The following DES variants were observed in gnomAD, a reference collection of about 807,000 sequenced individuals.
The protein encoded by DES is cardiomyopathy, dilated 1F (autosomal dominant).
A neutral mutation model predicts 55.1 loss-of-function variants in DES; 34 were observed. That is an observed-to-expected ratio of 0.62 (90% CI 0.47 to 0.82). The LOEUF is 0.82. Ranked by LOEUF, DES falls within the 40% of genes least tolerant of loss-of-function variation. The pLI is 0.00. For synonymous variants in DES, 259 were observed against 270.8 expected (o/e 0.96, Z 0.43); for missense variants, 596 against 645.9 (o/e 0.92, Z 0.84).
At chr2:219,423,098 C>T (rs777598241) in intron 6 of DES, among the ~76,000 whole-genome samples, 24 of 152,164 alleles carry the variant, frequency 1.6e-4, no homozygotes, top group Non-Finnish European at 3.5e-4. Flanking sequence ...ATAGTAAGCT[C>T]TCAGAACTGG....
chr2:219,419,041 G>GC lies in DES; in HGVS notation c.578+1_578+2insC. 1 of 1,539,000 alleles carries GC rather than the reference G, an allele frequency of 6.5e-7. No individual in the cohort carries two copies. Among genetic ancestry groups the GC allele is most frequent in the Non-Finnish European group, 8.7e-7 (1 of 1,146,806 alleles). On this transcript the variant is annotated splice_donor_variant, in intron 1 of 8. Transcript: ENST00000373960. LOFTEE classifies it high-confidence loss of function. The surrounding 1 kb of genome is among the most constrained non-coding windows in gnomAD (Gnocchi z 4.3). ...ACGACCTGCAGCGGCTCAAGGCCAAGTGAGGGCCCGGCACCCCAGACTCCT... is the reference window on the plus strand; with the variant it reads ...ACGACCTGCAGCGGCTCAAGGCCAAGCTGAGGGCCCGGCACCCCAGACTCCT...
chr2:219,424,329 G>A (rs1330465617), intron 7 of DES, among the ~76,000 whole-genome samples: 2 of 152,174 alleles, frequency 1.3e-5, no homozygotes, highest in African/African-American at 2.4e-5. Context: ...TGAAAAGAAC[G>A]AGCTCTTAGG....
Position 219,420,355 on chromosome 2 carries a change from T to TGG in DES, c.735+10_735+11dup. On this transcript the variant is annotated intron_variant, in intron 3 of 8. Coordinates refer to ENST00000373960, the MANE Select transcript of DES (RefSeq NM_001927.4). This position sits in a 1 kb window ranked among gnomAD's most constrained non-coding sequence, Gnocchi z 6.0. Reference sequence around the variant, plus strand: ...AGAAAGTGCATGAAGAGGTATACCTTGGCCCCTCTTCCTGGGGTCACTGGG... The same window carrying TGG: ...AGAAAGTGCATGAAGAGGTATACCTTGGGGCCCCTCTTCCTGGGGTCACTGGG... The TGG allele has an allele frequency of 6.2e-7, 1 of 1,613,540 alleles. No homozygotes were observed. Among genetic ancestry groups the TGG allele is most frequent in the South Asian group, 1.1e-5 (1 of 91,062 alleles).
At chr2:219,422,404 A>G (rs1432011277) in intron 6 of DES, among the ~76,000 whole-genome samples, 1 of 151,698 alleles carries the variant, frequency 6.6e-6, no homozygotes, top group Non-Finnish European at 1.5e-5. Flanking sequence ...CACAGAAAAC[A>G]ACATACAACT....
At chr2:219,425,021 C>T (rs1954510606) in intron 7 of DES, 2 of 152,816 alleles carry the variant, frequency 1.3e-5, no homozygotes, top group African/African-American at 4.8e-5. Flanking sequence ...GCCTCAGCCT[C>T]CTGAGTAGCT....
Position 219,420,139 on chromosome 2 carries a change from T to C in DES, c.623T>C (p.Leu208Ser), listed in dbSNP as rs373062962. ...TTGAAGGAAGAAGCAGAGAACAATT[T>C]GGCTGCCTTCCGAGCGGTGAGTGCC... is the stretch of plus-strand genomic sequence containing the variant. The part of the protein sequence containing the change: ...IQLKEEAENN[L>S]AAFRADVDAA... Residue 208 changes from leucine to serine, a missense_variant, in exon 2 of 9, where the codon TTG becomes TCG. Physicochemically the swap from Leu to Ser is moderately radical, Grantham distance 145. Coordinates refer to ENST00000373960, the MANE Select transcript of DES (RefSeq NM_001927.4). The surrounding 1 kb of genome is among the most constrained non-coding windows in gnomAD (Gnocchi z 6.0). The C allele has an allele frequency of 1.1e-5, 17 of 1,614,116 alleles. No homozygotes were observed. The African/African-American group carries it at 1.9e-4, about 18-fold the overall frequency.
At position 219,420,443 on chromosome 2, in the gene DES, A is replaced by G; in HGVS notation, c.736-52A>G. ...GGCTCTGGCTGGGAATAGGGGTGTG[A>G]GGGTGCTGTGTGGGCCCTGAGAGGG... On this transcript the variant is annotated intron_variant, in intron 3 of 8. Transcript: ENST00000373960. This position sits in a 1 kb window ranked among gnomAD's most constrained non-coding sequence, Gnocchi z 6.0. 2 of 1,613,254 alleles carry G rather than the reference A, an allele frequency of 1.2e-6. No homozygotes were observed. Among genetic ancestry groups the G allele is most frequent in the Non-Finnish European group, 1.7e-6 (2 of 1,179,560 alleles).
At position 219,426,277 on chromosome 2, in the gene DES, G is replaced by A; in HGVS notation, c.*287G>A. On this transcript the variant is annotated 3_prime_UTR_variant, in exon 9 of 9. Transcript: ENST00000373960. This position sits in a 1 kb window ranked among gnomAD's most constrained non-coding sequence, Gnocchi z 4.5. ...GCTGGATGGAGCCCAGGCGGGAGCGGTGGCCCTGTCCCTCCCACCTCTGTG... is the reference window on the plus strand; with the variant it reads ...GCTGGATGGAGCCCAGGCGGGAGCGATGGCCCTGTCCCTCCCACCTCTGTG... 1.7e-6 allele frequency: 1 copy of A among 577,914 alleles called. No individual in the cohort carries two copies. Among genetic ancestry groups the A allele is most frequent in the Non-Finnish European group, 3.1e-6 (1 of 319,362 alleles). 35.8% of individuals were successfully genotyped at this position (577,914 alleles called of 1,614,324 possible). A position where few individuals can be genotyped will look rare whatever the true frequency, so the allele number is the denominator to read the frequency against.
In DES at chr2:219,420,932, G is replaced by A. The variant is rs1378079499; in HGVS notation, c.1002G>A (p.Glu334=). ...YRHQIQSYTC[E]IDALKGTNDS... ...ACCAGATCCAGTCCTACACCTGCGA[G>A]ATTGACGCCCTGAAGGGCACTGTGA... The change falls in exon 5 of 9, where the codon GAG becomes GAA. Residue 334 remains glutamate, a synonymous_variant. Coordinates refer to ENST00000373960, the MANE Select transcript of DES (RefSeq NM_001927.4). This position sits in a 1 kb window ranked among gnomAD's most constrained non-coding sequence, Gnocchi z 6.0. The A allele has an allele frequency of 1.2e-6, 2 of 1,613,412 alleles. No homozygotes were observed. Among genetic ancestry groups the A allele is most frequent in the African/African-American group, 2.7e-5 (2 of 74,914 alleles).
intron 8 of DES, 40 bp from the exon 9 acceptor site, chr2:219,425,909 G>A (rs373781948): frequency 3.8e-5 from 62 of 1,613,668 alleles, no homozygotes; most frequent in Non-Finnish European, 5.3e-5. Context: ...TCCATTCTCT[G>A]GCTAGCACAT....
rs71040455 is a variant in DES at position 219,422,463 on chromosome 2, C to CTTTTTTT, written c.1244+916_1244+922dup. ...GTGGGATAACAGAAATGTTCTATAT[C>CTTTTTTT]TTTTTTTTTTTTTTTTTTTGAGACA... On this transcript the variant is annotated intron_variant, in intron 6 of 8. Coordinates refer to ENST00000373960, the MANE Select transcript of DES (RefSeq NM_001927.4). Among the ~76,000 whole-genome samples, 28 of 103,502 alleles carry CTTTTTTT rather than the reference C, an allele frequency of 2.7e-4. 2 individuals are homozygous for CTTTTTTT. Among genetic ancestry groups the CTTTTTTT allele is most frequent in the African/African-American group, 7.6e-4 (19 of 25,086 alleles). The allele number at this position is 103,502 out of a possible 152,430, so 67.9% of individuals were successfully genotyped here. A position where few individuals can be genotyped will look rare whatever the true frequency, so the allele number is the denominator to read the frequency against.
chr2:219,418,982 G>C lies in DES; in HGVS notation c.520G>C (p.Ala174Pro), dbSNP rs538229035. 4 of 1,552,612 alleles carry C rather than the reference G, an allele frequency of 2.6e-6. No homozygotes were observed. In the South Asian group the frequency reaches 4.7e-5, roughly 18 times the overall value. Residue 174 changes from alanine to proline, a missense_variant, in exon 1 of 9, where the codon GCG becomes CCG. Transcript: ENST00000373960. ...GGTGGAGGTGCTCACTAACCAGCGC[G>C]CGCGCGTCGACGTCGAGCGCGACAA... Reference protein sequence around the residue: ...RQVEVLTNQRARVDVERDNLL... With the variant: ...RQVEVLTNQRPRVDVERDNLL...
chr2:219,425,911 C>A lies in DES; in HGVS notation c.1372-38C>A, dbSNP rs776982754. ...TCAGGGCTGAGGCTCCATTCTCTGG[C>A]TAGCACATGGTTGGACTGGGCTTCT... On this transcript the variant is annotated intron_variant, in intron 8 of 8. Transcript: ENST00000373960. 4.3e-6 allele frequency: 7 copies of A among 1,613,568 alleles called. No individual in the cohort carries two copies. In the African/African-American group the frequency reaches 9.3e-5, roughly 22 times the overall value.
intron 7 of DES, among the ~76,000 whole-genome samples, chr2:219,424,130 A>G (rs1954494763): frequency 1.3e-5 from 2 of 152,230 alleles, no homozygotes; most frequent in South Asian, 4.1e-4. Context: ...TGAAAGCAGG[A>G]GTGTCCTTGG....
At position 219,419,182 on chromosome 2, in the gene DES, C is replaced by CACCCTTTCTGAA. The variant is rs1954388228; in HGVS notation, c.578+145_578+146insCTTTCTGAAACC. The CACCCTTTCTGAA allele has an allele frequency of 4.8e-6, 7 of 1,464,056 alleles. No homozygotes were observed. In the East Asian group the frequency reaches 1.7e-4, roughly 36 times the overall value. The allele number at this position is 1,464,056 out of a possible 1,614,324, so 90.7% of individuals were successfully genotyped here. On this transcript the variant is annotated intron_variant, in intron 1 of 8. Transcript: ENST00000373960. This position sits in a 1 kb window ranked among gnomAD's most constrained non-coding sequence, Gnocchi z 4.3. ...TGCCCCATGTGGAGAAAGGGTCCTC[C>CACCCTTTCTGAA]ACCTGTGTGTTTCAAGGGGCCGTGA...
rs759320891 is a variant in DES, at chr2:219,420,915, C to A, written c.985C>A (p.Gln329Lys). The A allele has an allele frequency of 6.2e-7, 1 of 1,613,644 alleles. No homozygotes were observed. The highest frequency in any genetic ancestry group is 2.2e-5 in the East Asian group (1 of 44,850). The change falls in exon 5 of 9, where the codon CAG (glutamine) becomes AAG (lysine). Residue 329 changes from glutamine to lysine, a missense_variant. By Grantham distance (53) the Gln-to-Lys change is moderately conservative. Transcript: ENST00000373960. This position sits in a 1 kb window ranked among gnomAD's most constrained non-coding sequence, Gnocchi z 6.0. ...GATGATGGAATACCGACACCAGATC[C>A]AGTCCTACACCTGCGAGATTGACGC... is the stretch of plus-strand genomic sequence containing the variant. The part of the protein sequence containing the change: ...QEMMEYRHQI[Q>K]SYTCEIDALK...
chr2:219,420,301 ATCTC>A lies in DES; in HGVS notation c.693_696del (p.Leu232ThrfsTer71). On this transcript the variant is annotated frameshift_variant, in exon 3 of 9. Coordinates refer to ENST00000373960, the MANE Select transcript of DES (RefSeq NM_001927.4). LOFTEE classifies it high-confidence loss of function. The surrounding 1 kb of genome is among the most constrained non-coding windows in gnomAD (Gnocchi z 6.0). ...GCATTGACCTGGAGCGCAGAATTGA[ATCTC>A]TCAACGAGGAGATCGCGTTCCTTAA... The A allele has an allele frequency of 6.2e-7, 1 of 1,614,140 alleles. No homozygotes were observed. Among genetic ancestry groups the A allele is most frequent in the Non-Finnish European group, 8.5e-7 (1 of 1,180,032 alleles).
In DES at chr2:219,421,543, G is replaced by A. The variant is rs143954788; in HGVS notation, c.1227G>A (p.Leu409=). 7 of 1,613,966 alleles carry A rather than the reference G, an allele frequency of 4.3e-6. No homozygotes were observed. Among genetic ancestry groups the A allele is most frequent in the East Asian group, 2.2e-5 (1 of 44,874 alleles). The stretch of plus-strand genomic sequence containing the variant: ...AGATTGCCACCTACCGGAAGCTGCT[G>A]GAGGGAGAGGAGAGCCGGTGAGGGG... The part of the protein sequence containing the change: ...DVEIATYRKL[L]EGEESRINLP... Residue 409 remains leucine (L), a synonymous_variant, in exon 6 of 9, where the codon CTG becomes CTA. Coordinates refer to ENST00000373960, the MANE Select transcript of DES (RefSeq NM_001927.4).
At position 219,426,200 on chromosome 2, in the gene DES, G is replaced by T; in HGVS notation, c.*210G>T. On this transcript the variant is annotated 3_prime_UTR_variant, in exon 9 of 9. Transcript: ENST00000373960. The surrounding 1 kb of genome is among the most constrained non-coding windows in gnomAD (Gnocchi z 4.5). The stretch of plus-strand genomic sequence containing the variant: ...CAGGGCATGCCCCGGCCACCTCTGC[G>T]GACCCCAGCTGTGAGCCTTGGCTGT... 1 of 668,078 alleles carries T rather than the reference G, an allele frequency of 1.5e-6. No individual in the cohort carries two copies. The highest frequency in any genetic ancestry group is 1.7e-5 in the South Asian group (1 of 58,532). The allele number at this position is 668,078 out of a possible 1,614,324, so 41.4% of individuals were successfully genotyped here.
Sources: allele counts gnomAD v4.1 joint callset (sites outside exome capture counted in the v4.1 genomes callset), GRCh38; gene constraint gnomAD v4.1.1; non-coding constraint Gnocchi (gnomAD v3.1); transcripts MANE v1.5; gene names NCBI Gene and HGNC (gene_info 2026-07-23, HGNC 2026-07-21).